The following SLC5A9 variants were observed in gnomAD, a reference collection of about 807,000 sequenced individuals.
SLC5A9 encodes the protein solute carrier family 5 member 9.
A neutral mutation model predicts 70.9 loss-of-function variants in SLC5A9; 59 were observed. The observed-to-expected ratio is 0.83, with a 90% CI of 0.68 to 1.03. SLC5A9 has a LOEUF of 1.03. Ranked by LOEUF, SLC5A9 falls within the 50% of genes least tolerant of loss-of-function variation. The probability of loss-of-function intolerance (pLI) is 0.00; values close to 1 mark genes in which losing one functional copy is unlikely to be tolerated. For missense variants in SLC5A9, 832 were observed against 881.1 expected, an observed-to-expected ratio of 0.94 and a Z score of 0.71; for synonymous variants, 340 against 346.5, an observed-to-expected ratio of 0.98 and a Z score of 0.21.
chr1:48,233,552 G>A lies in SLC5A9; in HGVS notation c.1034-103G>A. The A allele has an allele frequency of 1.9e-5, 16 of 842,578 alleles. No homozygotes were observed. In the South Asian group the frequency reaches 2.2e-4, roughly 12 times the overall value. The allele number at this position is 842,578 out of a possible 1,614,324, so 52.2% of individuals were successfully genotyped here. A position where few individuals can be genotyped will look rare whatever the true frequency, so the allele number is the denominator to read the frequency against. ...ACCTTGTAGACATGGGTCCCTGTCA[G>A]AGTCTCCAGTGAACATTATCCTGTA... On this transcript the variant is annotated intron_variant, in intron 8 of 13. Transcript: ENST00000438567.
intron 1 of SLC5A9, 78 bp from the exon 2 acceptor site, chr1:48,224,646 A>C: frequency 2.7e-6 from 4 of 1,458,314 alleles, no homozygotes; most frequent in Non-Finnish European, 3.8e-6. Context: ...ACCGAGGGGA[A>C]GGAAATCTGC....
At chr1:48,229,251 A>G (rs771023263) in intron 3 of SLC5A9, 44 bp from the exon 4 acceptor site, 17 of 1,613,926 alleles carry the variant, frequency 1.1e-5, no homozygotes, top group Non-Finnish European at 1.4e-5. Flanking sequence ...CCCTCTGTCT[A>G]CATCCAGGAC....
Position 48,244,878 on chromosome 1 carries a change from G to GTGTGTATATATATA in SLC5A9, c.1837+2263_1837+2264insGTGTATATATATAT, listed in dbSNP as rs1391896495. On this transcript the variant is annotated intron_variant, in intron 13 of 13. Coordinates refer to ENST00000438567, the MANE Select transcript of SLC5A9 (RefSeq NM_001011547.3). ...TGTGTGTGTGTATGTATGTGTATGT[G>GTGTGTATATATATA]TATATATATATATATATATATATAT... Among the ~76,000 whole-genome samples, 67 of 29,396 alleles carry GTGTGTATATATATA rather than the reference G, an allele frequency of 2.3e-3. 15 individuals carry two copies. Among genetic ancestry groups the GTGTGTATATATATA allele is most frequent in the South Asian group, 0.011 (7 of 632 alleles). 19.3% of individuals were successfully genotyped at this position (29,396 alleles called of 152,430 possible). A position where few individuals can be genotyped will look rare whatever the true frequency, so the allele number is the denominator to read the frequency against.
At chr1:48,232,182 G>T in intron 7 of SLC5A9, 31 bp downstream of exon 7, 1 of 1,590,480 alleles carries the variant, frequency 6.3e-7, no homozygotes, top group Non-Finnish European at 8.6e-7. Flanking sequence ...AGCCCAGCCT[G>T]CCAGGAAGTG....
At chr1:48,244,919 G>C (rs1569872039) in intron 13 of SLC5A9, among the ~76,000 whole-genome samples, 3 of 36,928 alleles carry the variant, frequency 8.1e-5, no homozygotes, top group South Asian at 1.1e-3. Flanking sequence ...TAAAACCTCT[G>C]TCTCAGAAGG....
At chr1:48,226,671 A>T (rs1368537893) in intron 2 of SLC5A9, among the ~76,000 whole-genome samples, 2 of 152,212 alleles carry the variant, frequency 1.3e-5, no homozygotes, top group African/African-American at 4.8e-5. Context: ...TGAGAGCAGA[A>T]GGTGCAGTCG....
rs778297474 is a variant in SLC5A9, at chr1:48,242,561, C to G, written c.1782C>G (p.Cys594Trp). Residue 594 changes from cysteine (C) to tryptophan (W), a missense_variant, in exon 13 of 14, where the codon TGC (cysteine) becomes TGG (tryptophan). Physicochemically the swap from Cys to Trp is radical, Grantham distance 215. Coordinates refer to ENST00000438567, the MANE Select transcript of SLC5A9 (RefSeq NM_001011547.3). ...PEISERPAGE[C>W]PAGGGAAENS... ...TATCCGAGAGGCCAGCCGGGGAGTG[C>G]CCTGCAGGAGGTGGAGCGGCAGAGA... 6.2e-7 allele frequency: 1 copy of G among 1,613,358 alleles called. No individual in the cohort carries two copies. The highest frequency in any genetic ancestry group is 1.3e-5 in the African/African-American group (1 of 75,016).
intron 10 of SLC5A9, among the ~76,000 whole-genome samples, chr1:48,237,183 G>A (rs1314409326): frequency 6.6e-6 from 1 of 152,044 alleles, no homozygotes; most frequent in African/African-American, 2.4e-5. Flanking sequence ...AAGGAGTCAG[G>A]TGAATAAGTG....
chr1:48,232,236 G>T (rs1644259773), intron 7 of SLC5A9, 85 bp downstream of exon 7: 1 of 1,557,082 alleles, frequency 6.4e-7, no homozygotes, highest in Admixed American at 1.8e-5. Context: ...ATGCATAGAG[G>T]GTTGGACCTC....
intron 8 of SLC5A9, among the ~76,000 whole-genome samples, chr1:48,233,381 AAAAAAGAT>A (rs1280369390): frequency 1.8e-4 from 26 of 146,094 alleles, no homozygotes; most frequent in East Asian, 1.2e-3. Context: ...AAAAAAAAAA[AAAAAAGAT>A]AGAAAAGAAC....
At chr1:48,224,843 T>C in intron 2 of SLC5A9, 48 bp downstream of exon 2, 1 of 1,547,764 alleles carries the variant, frequency 6.5e-7, no homozygotes, top group Non-Finnish European at 8.9e-7. Flanking sequence ...CTCCCAACTT[T>C]CTTCCTCCCC....
intron 2 of SLC5A9, among the ~76,000 whole-genome samples, chr1:48,225,123 C>A (rs1035131906): frequency 6.6e-6 from 1 of 152,104 alleles, no homozygotes; most frequent in African/African-American, 2.4e-5. Flanking sequence ...AAACATCATG[C>A]GCACTGCTGA....
At chr1:48,229,973 C>G (rs1345927982) in intron 4 of SLC5A9, among the ~76,000 whole-genome samples, 2 of 152,226 alleles carry the variant, frequency 1.3e-5, no homozygotes, top group East Asian at 3.9e-4. Context: ...GGAATGGTAT[C>G]CACAAGCATA....
chr1:48,234,821 G>A (rs1644304654), intron 9 of SLC5A9, among the ~76,000 whole-genome samples: 1 of 152,142 alleles, frequency 6.6e-6, no homozygotes, highest in East Asian at 1.9e-4. Context: ...GGTAAGCAGG[G>A]AGGGGAGCAG....
intron 2 of SLC5A9, among the ~76,000 whole-genome samples, chr1:48,225,147 A>C (rs1644126574): frequency 1.3e-5 from 2 of 152,176 alleles, no homozygotes; most frequent in Non-Finnish European, 2.9e-5. Flanking sequence ...AGAGGGAAGC[A>C]GGGGGCACTC....
intron 7 of SLC5A9, 44 bp from the exon 8 acceptor site, chr1:48,232,323 C>T (rs1434657678): frequency 1.9e-6 from 3 of 1,606,472 alleles, no homozygotes; most frequent in Non-Finnish European, 1.7e-6. Flanking sequence ...CTTAATGAGC[C>T]TCTCCTCTAC....
chr1:48,225,903 A>C (rs1569809531), intron 2 of SLC5A9, among the ~76,000 whole-genome samples: 1 of 151,452 alleles, frequency 6.6e-6, no homozygotes, highest in Non-Finnish European at 1.5e-5. Context: ...CACTCACACC[A>C]CCAGCCATCT....
intron 6 of SLC5A9, 114 bp from the exon 7 acceptor site, chr1:48,231,832 C>A: frequency 6.4e-7 from 1 of 1,551,554 alleles, no homozygotes; most frequent in Non-Finnish European, 8.7e-7. Flanking sequence ...CCTCCTTCAC[C>A]CCCAATCCCC....
chr1:48,238,946 A>AAAG (rs1215250451), intron 11 of SLC5A9, among the ~76,000 whole-genome samples: 1 of 152,246 alleles, frequency 6.6e-6, no homozygotes, highest in Non-Finnish European at 1.5e-5. Flanking sequence ...GATTATTACA[A>AAAG]AAGTTTATTC....
Sources: gnomAD v4.1 joint callset for allele counts (sites outside exome capture counted in the v4.1 genomes callset) on GRCh38, gnomAD v4.1.1 for gene constraint, MANE v1.5 for transcripts, NCBI Gene and HGNC (gene_info 2026-07-23, HGNC 2026-07-21) for gene names.